The following ZNF225 variants were observed in gnomAD, a reference collection of about 807,000 sequenced individuals.
ZNF225 encodes zinc finger protein 225.
Under a neutral mutation model 12.0 loss-of-function variants are expected in ZNF225, and 6 were observed. The observed-to-expected ratio is 0.50, with a 90% CI of 0.27 to 0.98. The LOEUF (loss-of-function observed/expected upper bound fraction) is 0.98. Ranked by LOEUF, ZNF225 falls within the 50% of genes least tolerant of loss-of-function variation. The pLI, the probability that ZNF225 is intolerant of heterozygous loss-of-function variation, is 0.11. For synonymous variants in ZNF225, 271 were observed against 283.2 expected (o/e 0.96, Z 0.43); for missense variants, 763 against 848.2 (o/e 0.90, Z 1.25).
chr19:44,114,007 A>G, intron 1 of ZNF225: 1 of 307,318 alleles, frequency 3.3e-6, no homozygotes, highest in Middle Eastern at 9.4e-4. Context: ...GATTCCTGCA[A>G]GACGCTGGGT....
rs914699325 is a variant in ZNF225 at position 44,131,077 on chromosome 19, A to T, written c.463A>T (p.Lys155Ter). ...QKPSEGRTCKKSFSDVSVLDL... is the reference protein window; with the variant it reads ...QKPSEGRTCK ...ACCTTCTGAGGGTAGGACGTGTAAA[A>T]AGTCCTTTAGTGATGTCTCCGTCCT... Residue 155 changes from lysine to a stop codon, truncating the protein, a stop_gained, in exon 5 of 5, where the codon AAG becomes TAG. Coordinates refer to ENST00000262894, the MANE Select transcript of ZNF225 (RefSeq NM_013362.4). LOFTEE classifies it low-confidence loss of function (END_TRUNC). 4 of 1,614,116 alleles carry T rather than the reference A, an allele frequency of 2.5e-6. No individual in the cohort carries two copies. Among genetic ancestry groups the T allele is most frequent in the Non-Finnish European group, 3.4e-6 (4 of 1,179,944 alleles).
intron 2 of ZNF225, 145 bp from the exon 3 acceptor site, chr19:44,118,043 T>C: frequency 1.5e-6 from 1 of 687,250 alleles, no homozygotes; most frequent in Non-Finnish European, 2.0e-6. Flanking sequence ...TAAAATAAAA[T>C]AATAAAAAAG....
In ZNF225 at chr19:44,131,801, G is replaced by A; in HGVS notation, c.1187G>A (p.Gly396Glu). ...TCAAGACATGTGCGAGTCCACAGTG[G>A]AGAGACAACATTCAAATGTGAAGAA... Reference protein sequence around the residue: ...GLSRHVRVHSGETTFKCEECG... With the variant: ...GLSRHVRVHSEETTFKCEECG... The change falls in exon 5 of 5, where the codon GGA becomes GAA. Residue 396 changes from glycine to glutamate, a missense_variant. By Grantham distance (98) the Gly-to-Glu change is moderately conservative (BLOSUM62 -2). Transcript: ENST00000262894. The A allele has an allele frequency of 6.2e-7, 1 of 1,614,238 alleles. No individual in the cohort carries two copies. The highest frequency in any genetic ancestry group is 8.5e-7 in the Non-Finnish European group (1 of 1,180,040).
chr19:44,114,343 C>T (rs1473773142), intron 1 of ZNF225: 1 of 411,620 alleles, frequency 2.4e-6, no homozygotes, highest in South Asian at 5.7e-5. Context: ...TGAAAGATAG[C>T]ATAGCTTTCA....
At chr19:44,118,598 C>T (rs1967991683) in intron 4 of ZNF225, 24 bp downstream of exon 4, 1 of 1,601,328 alleles carries the variant, frequency 6.2e-7, no homozygotes, top group Non-Finnish European at 8.5e-7. Flanking sequence ...AACTCTGTGT[C>T]CTTGTGCGTG....
chr19:44,124,377 G>C (rs1463607837), intron 4 of ZNF225, among the ~76,000 whole-genome samples: 2 of 152,130 alleles, frequency 1.3e-5, no homozygotes, highest in Non-Finnish European at 2.9e-5. Context: ...GTCTGAGAGA[G>C]TGCTTGATAT....
chr19:44,131,404 A>G lies in ZNF225; in HGVS notation c.790A>G (p.Lys264Glu), dbSNP rs755445324. Residue 264 changes from lysine to glutamate, a missense_variant, in exon 5 of 5, where the codon AAA becomes GAA. Physicochemically the swap from Lys to Glu is moderately conservative, Grantham distance 56. Coordinates refer to ENST00000262894, the MANE Select transcript of ZNF225 (RefSeq NM_013362.4). ...HTGVKPHICE[K>E]CGKAFIHDSQ... ...AGGAGTGAAACCTCATATTTGTGAGAAATGTGGGAAGGCCTTCATTCATGA... is the reference window on the plus strand; with the variant it reads ...AGGAGTGAAACCTCATATTTGTGAGGAATGTGGGAAGGCCTTCATTCATGA... The G allele has an allele frequency of 3.1e-6, 5 of 1,614,212 alleles. No individual in the cohort carries two copies. The East Asian group carries it at 8.9e-5, about 29-fold the overall frequency.
upstream of ZNF225, chr19:44,111,974 T>C (rs528654266): frequency 1.3e-5 from 2 of 152,096 alleles, no homozygotes; most frequent in African/African-American, 4.8e-5. Context: ...GGAGGTTTAA[T>C]AGGAAGAAGA....
At chr19:44,114,088 G>A (rs1191159890) in intron 1 of ZNF225, 5 of 486,164 alleles carry the variant, frequency 1.0e-5, no homozygotes, top group Non-Finnish European at 3.6e-6. Context: ...GGGGAGAGGA[G>A]CATTTAACTT....
chr19:44,118,054 G>A (rs933481170), intron 2 of ZNF225, 134 bp from the exon 3 acceptor site: 3 of 801,582 alleles, frequency 3.7e-6, no homozygotes, highest in African/African-American at 1.8e-5. Flanking sequence ...AATAAAAAAG[G>A]AAGTCTGTGT....
chr19:44,132,351 G>A lies in ZNF225; in HGVS notation c.1737G>A (p.Arg579=), dbSNP rs1450101755. The A allele has an allele frequency of 1.2e-6, 2 of 1,613,872 alleles. No individual in the cohort carries two copies. Among genetic ancestry groups the A allele is most frequent in the Non-Finnish European group, 1.7e-6 (2 of 1,179,984 alleles). The stretch of plus-strand genomic sequence containing the variant: ...AAGAATGTGGGAAGAGCTTTAGCCG[G>A]GCCTCAAGTATTTTGAATCATAAGA... ...NCKECGKSFS[R]ASSILNHKRL... The change falls in exon 5 of 5, where the codon CGG becomes CGA. Residue 579 remains arginine, a synonymous_variant. Coordinates refer to ENST00000262894, the MANE Select transcript of ZNF225 (RefSeq NM_013362.4).
chr19:44,120,888 A>G (rs970380066), intron 4 of ZNF225, among the ~76,000 whole-genome samples: 3 of 117,852 alleles, frequency 2.5e-5, no homozygotes, highest in African/African-American at 9.3e-5. Context: ...GCAAGTCCCC[A>G]AAGTCCATTT....
intron 2 of ZNF225, among the ~76,000 whole-genome samples, chr19:44,116,205 C>T (rs1028354296): frequency 6.6e-6 from 1 of 152,190 alleles, no homozygotes; most frequent in African/African-American, 2.4e-5. Context: ...TCTTCTCAGT[C>T]TTGGGAAGAC....
At chr19:44,126,546 A>C (rs1010021599) in intron 4 of ZNF225, among the ~76,000 whole-genome samples, 1 of 152,030 alleles carries the variant, frequency 6.6e-6, no homozygotes, top group Admixed American at 6.6e-5. Context: ...CTTTCCAGAG[A>C]GCATCAGCTG....
intron 4 of ZNF225, among the ~76,000 whole-genome samples, chr19:44,118,845 C>G (rs1967996153): frequency 6.7e-6 from 1 of 148,850 alleles, no homozygotes; most frequent in African/African-American, 2.5e-5. Flanking sequence ...GAGATGGAGT[C>G]TCGCTGTGTC....
chr19:44,121,300 C>T (rs1237329975), intron 4 of ZNF225, among the ~76,000 whole-genome samples: 1 of 152,200 alleles, frequency 6.6e-6, no homozygotes, highest in African/African-American at 2.4e-5. Flanking sequence ...CCAGTCTCAT[C>T]CAGGTTGCTG....
chr19:44,130,733 C>G, intron 4 of ZNF225, 117 bp from the exon 5 acceptor site: 1 of 408,142 alleles, frequency 2.5e-6, no homozygotes, highest in Non-Finnish European at 4.2e-6. Context: ...AAGGAAAATA[C>G]AATCTGAACA....
chr19:44,115,283 A>G (rs1967921744), intron 1 of ZNF225, among the ~76,000 whole-genome samples: 1 of 152,172 alleles, frequency 6.6e-6, no homozygotes, highest in African/African-American at 2.4e-5. Flanking sequence ...GAGTGGAATA[A>G]ACATCACCAT....
At chr19:44,125,701 C>T (rs990892407) in intron 4 of ZNF225, among the ~76,000 whole-genome samples, 2 of 152,180 alleles carry the variant, frequency 1.3e-5, no homozygotes, top group Non-Finnish European at 2.9e-5. Flanking sequence ...TTAACATAAT[C>T]CCATACTTCT....
Sources: allele counts gnomAD v4.1 joint callset (sites outside exome capture counted in the v4.1 genomes callset), GRCh38; gene constraint gnomAD v4.1.1; transcripts MANE v1.5; gene names NCBI Gene and HGNC (gene_info 2026-07-23, HGNC 2026-07-21).